Variants in NRG1 observed in about 807,000 individuals in gnomAD.
NRG1 encodes neuregulin 1.
In NRG1, 18 loss-of-function variants were observed where a neutral mutation model predicts 63.8. The observed-to-expected ratio is 0.28, with a 90% CI of 0.19 to 0.42. The LOEUF (loss-of-function observed/expected upper bound fraction) is 0.42, where lower values mean the gene tolerates loss of function less well. NRG1 is among the 10% of genes least tolerant of loss of function. NRG1 has a pLI of 1.00. For synonymous variants in NRG1, 302 were observed against 301.3 expected (o/e 1.00, Z -0.02); for missense variants, 762 against 814.7 (o/e 0.94, Z 0.79).
chr8:32,567,797 A>T (rs1312833995), intron 1 of NRG1, among the ~76,000 whole-genome samples: 1 of 152,270 alleles, frequency 6.6e-6, no homozygotes, highest in Non-Finnish European at 1.5e-5. Context: ...TTGGCAGAAG[A>T]GGTCAACACA....
chr8:32,415,855 T>C (rs1815838321), intron 1 of NRG1, among the ~76,000 whole-genome samples: 1 of 152,166 alleles, frequency 6.6e-6, no homozygotes. Context: ...GCCAAGTACA[T>C]GTTAACAGGA....
intron 5 of NRG1, among the ~76,000 whole-genome samples, chr8:32,652,621 G>T (rs1028416397): frequency 1.3e-5 from 2 of 151,638 alleles, no homozygotes; most frequent in African/African-American, 4.8e-5. Context: ...AAACTTTATT[G>T]CATTTTAATG....
At chr8:32,697,745 G>A (rs1413681074) in intron 5 of NRG1, among the ~76,000 whole-genome samples, 1 of 152,212 alleles carries the variant, frequency 6.6e-6, no homozygotes, top group Non-Finnish European at 1.5e-5. Flanking sequence ...TGTCTTAACA[G>A]AAATAAATTG....
chr8:32,634,099 TAA>T lies in NRG1; in HGVS notation c.502+17232_502+17233del, dbSNP rs57478389. Among the ~76,000 whole-genome samples, 45 of 86,704 alleles carry T rather than the reference TAA, an allele frequency of 5.2e-4. 1 individual carries two copies. Among genetic ancestry groups the T allele is most frequent in the East Asian group, 1.8e-3 (3 of 1,654 alleles). 56.9% of individuals were successfully genotyped at this position (86,704 alleles called of 152,430 possible). A position where few individuals can be genotyped will look rare whatever the true frequency, so the allele number is the denominator to read the frequency against. On this transcript the variant is annotated intron_variant, in intron 5 of 11. Transcript: ENST00000356819. ...TTTGAGGCTGAGCAAGATCTTGTCTTAAAAAAAAAAAAAAAAAAAGGTTGCAT... is the reference window on the plus strand; with the variant it reads ...TTTGAGGCTGAGCAAGATCTTGTCTTAAAAAAAAAAAAAAAAAGGTTGCAT...
intron 1 of NRG1, among the ~76,000 whole-genome samples, chr8:31,687,956 A>AGG: frequency 6.6e-6 from 1 of 152,354 alleles, no homozygotes; most frequent in South Asian, 2.1e-4. Flanking sequence ...GTCCTCTGAC[A>AGG]ACACTCCCTA....
chr8:31,842,814 T>C (rs1826316746), intron 1 of NRG1, among the ~76,000 whole-genome samples: 1 of 152,182 alleles, frequency 6.6e-6, no homozygotes, highest in African/African-American at 2.4e-5. Flanking sequence ...AATGTATGGG[T>C]ACATTTCCTT....
chr8:32,364,957 C>CTTTTTTTTTTTTTTTTT lies in NRG1; in HGVS notation c.38-230868_38-230852dup, dbSNP rs372216683. On this transcript the variant is annotated intron_variant, in intron 1 of 10. Coordinates refer to the NRG1 transcript ENST00000519301. ...TGAATAAAATGTACTCCCTTTACTA[C>CTTTTTTTTTTTTTTTTT]TTTTTTTTTTTTTTTTTTTGAGACA... Among the ~76,000 whole-genome samples the CTTTTTTTTTTTTTTTTT allele has an allele frequency of 5.3e-4, 57 of 108,436 alleles. 2 individuals carry two copies. Among genetic ancestry groups the CTTTTTTTTTTTTTTTTT allele is most frequent in the East Asian group, 9.3e-4 (3 of 3,242 alleles). The allele number at this position is 108,436 out of a possible 152,430, so 71.1% of individuals were successfully genotyped here.
chr8:32,412,936 T>C (rs1247233228), intron 1 of NRG1, among the ~76,000 whole-genome samples: 1 of 152,160 alleles, frequency 6.6e-6, no homozygotes, highest in African/African-American at 2.4e-5. Flanking sequence ...GTTTTGATTA[T>C]CAACCTAACT....
chr8:32,277,501 T>C (rs1228253511), intron 1 of NRG1, among the ~76,000 whole-genome samples: 2 of 152,212 alleles, frequency 1.3e-5, no homozygotes, highest in Admixed American at 6.5e-5. Context: ...CTAGCTAAGT[T>C]TTTTACCTAA....
chr8:31,671,853 C>T (rs1329220155), intron 1 of NRG1, among the ~76,000 whole-genome samples: 2 of 152,014 alleles, frequency 1.3e-5, no homozygotes, highest in African/African-American at 4.8e-5. Context: ...TTTGAGGAAC[C>T]ATTCTCAATA....
intron 1 of NRG1, among the ~76,000 whole-genome samples, chr8:32,392,906 AG>A (rs1811960226): frequency 6.9e-6 from 1 of 145,484 alleles, no homozygotes; most frequent in Non-Finnish European, 1.5e-5. Context: ...AGAGAGAGAG[AG>A]CCCTTGGGAT....
intron 1 of NRG1, among the ~76,000 whole-genome samples, chr8:31,779,372 G>T (rs918709751): frequency 1.3e-5 from 2 of 151,930 alleles, no homozygotes; most frequent in African/African-American, 4.8e-5. Flanking sequence ...GAAGTGTTGG[G>T]TTGGTGAAGC....
intron 1 of NRG1, among the ~76,000 whole-genome samples, chr8:32,572,050 T>G (rs1838699139): frequency 6.6e-6 from 1 of 152,214 alleles, no homozygotes; most frequent in African/African-American, 2.4e-5. Flanking sequence ...ATTCCTAAGT[T>G]GCCCACATTT....
intron 5 of NRG1, among the ~76,000 whole-genome samples, chr8:32,653,132 T>TG (rs1855510925): frequency 6.8e-6 from 1 of 146,702 alleles, no homozygotes; most frequent in African/African-American, 2.5e-5. Context: ...GGTTTTTTTT[T>TG]GTTTGTTTGT....
intron 1 of NRG1, among the ~76,000 whole-genome samples, chr8:32,233,536 A>AATATAT (rs71541806): frequency 0.036 from 3,173 of 87,632 alleles, 141 homozygotes; most frequent in Non-Finnish European, 0.051. Context: ...AACTCGAAAG[A>AATATAT]ATATATATAT....
chr8:32,154,787 T>C (rs755636351), intron 1 of NRG1, among the ~76,000 whole-genome samples: 136 of 152,230 alleles, frequency 8.9e-4, no homozygotes, highest in Middle Eastern at 3.4e-3. Context: ...TTCCCTTTCA[T>C]CAGGAAACAT....
At chr8:31,809,418 T>G (rs905290355) in intron 1 of NRG1, among the ~76,000 whole-genome samples, 54 of 146,048 alleles carry the variant, frequency 3.7e-4, no homozygotes, top group African/African-American at 1.2e-3. Context: ...ATATATATAC[T>G]TTTTATGTCT....
At chr8:31,691,434 A>G (rs1057206446) in intron 1 of NRG1, among the ~76,000 whole-genome samples, 2 of 151,722 alleles carry the variant, frequency 1.3e-5, no homozygotes. Flanking sequence ...TCTCTACTAA[A>G]AATACAAAAA....
intron 1 of NRG1, among the ~76,000 whole-genome samples, chr8:32,032,203 T>A (rs551561296): frequency 6.6e-6 from 1 of 152,310 alleles, no homozygotes; most frequent in African/African-American, 2.4e-5. Flanking sequence ...TAGTGATCAG[T>A]GAGGTTGAAC....
Sources: allele counts gnomAD v4.1 joint callset (sites outside exome capture counted in the v4.1 genomes callset), GRCh38; gene constraint gnomAD v4.1.1; transcripts MANE v1.5; gene names NCBI Gene and HGNC (gene_info 2026-07-23, HGNC 2026-07-21).